P4HTM: variants seen among roughly 807,000 people sequenced by gnomAD.
The protein encoded by P4HTM is transmembrane prolyl 4-hydroxylase.
P4HTM carries 33 observed loss-of-function variants against 55.3 expected under a neutral mutation model. The ratio of observed to expected loss-of-function variants is 0.60; its 90% CI spans 0.45 to 0.80. P4HTM has a LOEUF of 0.80. Among genes scored for constraint, P4HTM ranks in the 30% least tolerant of loss-of-function variants. The probability of loss-of-function intolerance (pLI) is 0.00; values close to 1 mark genes in which losing one functional copy is unlikely to be tolerated. For synonymous variants in P4HTM, 272 were observed against 286.4 expected (o/e 0.95, Z 0.51); for missense variants, 542 against 696.5 (o/e 0.78, Z 2.50).
intron 2 of P4HTM, among the ~76,000 whole-genome samples, chr3:48,993,999 G>T (rs1010510858): frequency 1.3e-5 from 2 of 152,076 alleles, no homozygotes; most frequent in African/African-American, 4.8e-5. Context: ...TGTTTCTGCA[G>T]ATGAACTTCA....
At position 49,005,332 on chromosome 3, in the gene P4HTM, A is replaced by G. The variant is rs2092974114; in HGVS notation, c.1073+286A>G. The stretch of plus-strand genomic sequence containing the variant: ...AAGCAAGGGGCAAGGCTGGGCCCCT[A>G]GCTTGTCCTGCCCATTCCTCCAGGT... On this transcript the variant is annotated intron_variant, in intron 6 of 8. Transcript: ENST00000383729. 2.1e-6 allele frequency: 3 copies of G among 1,429,170 alleles called. No homozygotes were observed. The East Asian group carries it at 7.6e-5, about 36-fold the overall frequency. 88.5% of individuals were successfully genotyped at this position (1,429,170 alleles called of 1,614,324 possible).
At position 49,006,805 on chromosome 3, in the gene P4HTM, G is replaced by T. The variant is rs369029220; in HGVS notation, c.1407G>T (p.Leu469=). 474 of 1,613,526 alleles carry T rather than the reference G, an allele frequency of 2.9e-4. 2 individuals are homozygous for T. The South Asian group carries it at 5.0e-3, about 17-fold the overall frequency. The change falls in exon 9 of 9, where the codon CTG becomes CTT. Residue 469 remains leucine (L), a synonymous_variant. Transcript: ENST00000383729. ...NVDPSRARQA[L]FQQEMARLAR... ...ACCCCAGCCGAGCGCGGCAAGCGCT[G>T]TTCCAACAGGAGATGGCCCGCCTTG...
At chr3:49,005,640 G>T in intron 6 of P4HTM, 137 bp from the exon 7 acceptor site, 1 of 1,441,280 alleles carries the variant, frequency 6.9e-7, no homozygotes, top group Non-Finnish European at 9.1e-7. Flanking sequence ...TTTTGGCACT[G>T]GCCTGCCCTA....
intron 2 of P4HTM, among the ~76,000 whole-genome samples, chr3:48,994,339 T>C (rs963465491): frequency 6.6e-6 from 1 of 151,906 alleles, no homozygotes; most frequent in African/African-American, 2.4e-5. Flanking sequence ...GATCGAAGAG[T>C]GGATGCTAAA....
At chr3:48,996,974 CCTGT>C (rs1488993817) in intron 2 of P4HTM, among the ~76,000 whole-genome samples, 1 of 152,210 alleles carries the variant, frequency 6.6e-6, no homozygotes, top group Non-Finnish European at 1.5e-5. Context: ...TGCCTGGGAG[CCTGT>C]CTGTCCTCTT....
chr3:48,991,063 G>A, intron 2 of P4HTM, 149 bp downstream of exon 2: 1 of 626,936 alleles, frequency 1.6e-6, no homozygotes, highest in Non-Finnish European at 2.9e-6. Flanking sequence ...GACCTTCCCC[G>A]TCCTCGAAAT....
Position 48,990,708 on chromosome 3 carries a change from C to T in P4HTM, c.354+98C>T, listed in dbSNP as rs1187155233. 2.0e-6 allele frequency: 3 copies of T among 1,466,906 alleles called. No homozygotes were observed. The East Asian group carries it at 7.4e-5, about 36-fold the overall frequency. The allele number at this position is 1,466,906 out of a possible 1,614,324, so 90.9% of individuals were successfully genotyped here. On this transcript the variant is annotated intron_variant, in intron 1 of 8. Coordinates refer to ENST00000383729, the MANE Select transcript of P4HTM (RefSeq NM_177939.3). This position sits in a 1 kb window ranked among gnomAD's most constrained non-coding sequence, Gnocchi z 7.2. ...GGTCCCCACGCTGCCCCCGGCGCTG[C>T]TCTGCGTCGGTCCCGCGCGCTCCCA...
intron 2 of P4HTM, among the ~76,000 whole-genome samples, chr3:48,993,723 A>T (rs752418677): frequency 6.6e-6 from 1 of 151,480 alleles, no homozygotes; most frequent in South Asian, 2.1e-4. Context: ...TTAGCTGGGC[A>T]TGGTGGTGGA....
intron 2 of P4HTM, among the ~76,000 whole-genome samples, chr3:49,000,610 C>T (rs2092958352): frequency 6.6e-6 from 1 of 152,194 alleles, no homozygotes; most frequent in African/African-American, 2.4e-5. Context: ...AGGGCCCATG[C>T]TCCTGCTCTG....
chr3:49,001,584 C>T lies in P4HTM; in HGVS notation c.583C>T (p.Arg195Trp), dbSNP rs748444950. Residue 195 changes from arginine to tryptophan, a missense_variant, in exon 3 of 9, where the codon CGG (arginine) becomes TGG (tryptophan). Arg to Trp is a moderately radical substitution (Grantham distance 101). Around this residue, in one of 2 missense-constraint regions of P4HTM, gnomAD observed 536 missense variants for 672.1 expected, o/e 0.80. Coordinates refer to ENST00000383729, the MANE Select transcript of P4HTM (RefSeq NM_177939.3). ...GCAGGTCAGCCAGCTGGACCTCTTC[C>T]GGCTGCTGGACCAGAACCGTGATGG... is the stretch of plus-strand genomic sequence containing the variant. Reference protein sequence around the residue: ...TMQVSQLDLFRLLDQNRDGHL... With the variant: ...TMQVSQLDLFWLLDQNRDGHL... 6.4e-5 allele frequency: 103 copies of T among 1,613,398 alleles called. 1 individual carries two copies. Among genetic ancestry groups the T allele is most frequent in the South Asian group, 4.1e-4 (37 of 91,088 alleles).
rs1431382127 is a variant in P4HTM at position 49,002,049 on chromosome 3, T to C, written c.627+421T>C. Among the ~76,000 whole-genome samples, 1 of 152,186 alleles carries C rather than the reference T, an allele frequency of 6.6e-6. No homozygotes were observed. Among genetic ancestry groups the C allele is most frequent in the Non-Finnish European group, 1.5e-5 (1 of 68,026 alleles). On this transcript the variant is annotated intron_variant, in intron 3 of 8. Transcript: ENST00000383729. The surrounding 1 kb of genome is among the most constrained non-coding windows in gnomAD (Gnocchi z 4.4). ...AGCTTCTGAGAGAAGTCTGGCAGGGTGGTGGTGCGGGGCACTGCCCACACA... is the reference window on the plus strand; with the variant it reads ...AGCTTCTGAGAGAAGTCTGGCAGGGCGGTGGTGCGGGGCACTGCCCACACA...
chr3:48,997,324 A>G (rs2092948916), intron 2 of P4HTM: 1 of 152,264 alleles, frequency 6.6e-6, no homozygotes, highest in Admixed American at 6.5e-5. Context: ...GCAGGCCTCC[A>G]TCTTCCCACT....
At chr3:49,005,501 C>G in intron 6 of P4HTM, 1 of 1,340,256 alleles carries the variant, frequency 7.5e-7, no homozygotes, top group Non-Finnish European at 9.5e-7. Flanking sequence ...CTTCTGCTAG[C>G]CTACCTTTCC....
Position 48,990,602 on chromosome 3 carries a change from G to T in P4HTM, c.346G>T (p.Gly116Cys). Reference sequence around the variant, plus strand: ...CTTAGGTCCCCTCACCCGGCTGGAGGGCATCAAGGTGAGGACCTCCCTGCC... The same window carrying T: ...CTTAGGTCCCCTCACCCGGCTGGAGTGCATCAAGGTGAGGACCTCCCTGCC... ...PTLGPLTRLE[G>C]IKVGHERKVQ... Residue 116 changes from glycine (G) to cysteine (C), a missense_variant, in exon 1 of 9, where the codon GGC (glycine) becomes TGC (cysteine). By Grantham distance (159) the Gly-to-Cys change is radical. Coordinates refer to ENST00000383729, the MANE Select transcript of P4HTM (RefSeq NM_177939.3). This position sits in a 1 kb window ranked among gnomAD's most constrained non-coding sequence, Gnocchi z 7.2. The T allele has an allele frequency of 3.2e-6, 5 of 1,585,904 alleles. No individual in the cohort carries two copies. The highest frequency in any genetic ancestry group is 4.3e-6 in the Non-Finnish European group (5 of 1,166,334).
chr3:48,993,786 C>G (rs559963780), intron 2 of P4HTM, among the ~76,000 whole-genome samples: 3 of 141,906 alleles, frequency 2.1e-5, no homozygotes, highest in South Asian at 4.6e-4. Context: ...TGCTTGAACC[C>G]GGGAGGCAGA....
At position 49,002,380 on chromosome 3, in the gene P4HTM, C is replaced by A; in HGVS notation, c.628-120C>A. On this transcript the variant is annotated intron_variant, in intron 3 of 8. Coordinates refer to ENST00000383729, the MANE Select transcript of P4HTM (RefSeq NM_177939.3). The surrounding 1 kb of genome is among the most constrained non-coding windows in gnomAD (Gnocchi z 4.4). ...TCACTTTGGCCCAATGGGCTCTGCC[C>A]TGTGTCCTCATCCATGCCCTCACCT... The A allele has an allele frequency of 1.3e-6, 1 of 764,206 alleles. No homozygotes were observed. Among genetic ancestry groups the A allele is most frequent in the Non-Finnish European group, 2.3e-6 (1 of 436,378 alleles). The allele number at this position is 764,206 out of a possible 1,614,324, so 47.3% of individuals were successfully genotyped here. A position where few individuals can be genotyped will look rare whatever the true frequency, so the allele number is the denominator to read the frequency against.
intron 4 of P4HTM, chr3:49,003,804 C>T (rs2092968628): frequency 3.0e-6 from 1 of 329,348 alleles, no homozygotes; most frequent in Non-Finnish European, 5.6e-6. Flanking sequence ...CTCAAGCTTC[C>T]TTTGGAGAAC....
rs1444351510 is a variant in P4HTM at position 48,990,621 on chromosome 3, C to G, written c.354+11C>G. 6.5e-7 allele frequency: 1 copy of G among 1,539,800 alleles called. No individual in the cohort carries two copies. The highest frequency in any genetic ancestry group is 8.8e-7 in the Non-Finnish European group (1 of 1,141,654). On this transcript the variant is annotated intron_variant, in intron 1 of 8. Transcript: ENST00000383729. This position sits in a 1 kb window ranked among gnomAD's most constrained non-coding sequence, Gnocchi z 7.2. ...CTGGAGGGCATCAAGGTGAGGACCT[C>G]CCTGCCCCGCCGCGCTCCAGGCCCT... is the stretch of plus-strand genomic sequence containing the variant.
In P4HTM at chr3:49,002,469, T is replaced by A. The variant is rs1559890897; in HGVS notation, c.628-31T>A. The A allele has an allele frequency of 6.7e-7, 1 of 1,482,996 alleles. No individual in the cohort carries two copies. Among genetic ancestry groups the A allele is most frequent in the Admixed American group, 1.7e-5 (1 of 59,724 alleles). The allele number at this position is 1,482,996 out of a possible 1,614,324, so 91.9% of individuals were successfully genotyped here. ...CTCTGCTGGCTCTCCATCACTGGGG[T>A]CACCCACTGAGGGACCCTCTTATGC... On this transcript the variant is annotated intron_variant, in intron 3 of 8. Coordinates refer to ENST00000383729, the MANE Select transcript of P4HTM (RefSeq NM_177939.3). The surrounding 1 kb of genome is among the most constrained non-coding windows in gnomAD (Gnocchi z 4.4).
Sources: allele counts gnomAD v4.1 joint callset (sites outside exome capture counted in the v4.1 genomes callset), GRCh38; gene constraint gnomAD v4.1.1; regional missense constraint gnomAD v4.1.1; non-coding constraint Gnocchi (gnomAD v3.1); transcripts MANE v1.5; gene names NCBI Gene and HGNC (gene_info 2026-07-23, HGNC 2026-07-21).